CDK5RAP2: variants seen among roughly 807,000 people sequenced by gnomAD.
CDK5RAP2 encodes the protein CDK5 regulatory subunit-associated protein 2.
A neutral mutation model predicts 232.9 loss-of-function variants in CDK5RAP2; 147 were observed. The ratio of observed to expected loss-of-function variants is 0.63; its 90% CI spans 0.55 to 0.72. CDK5RAP2 has a LOEUF of 0.72. CDK5RAP2 is among the 30% of genes least tolerant of loss of function. CDK5RAP2 has a pLI of 0.00. For missense variants in CDK5RAP2, 2,195 were observed against 2,231.5 expected (o/e 0.98, Z 0.33); for synonymous variants, 833 against 833.7 (o/e 1.00, Z 0.01).
chr9:120,531,948 T>C (rs779930410), intron 7 of CDK5RAP2, among the ~76,000 whole-genome samples: 1 of 152,172 alleles, frequency 6.6e-6, no homozygotes, highest in Admixed American at 6.5e-5. Context: ...CACCGAACTA[T>C]ATACACTTAA....
At chr9:120,505,396 C>T (rs2039764753) in intron 12 of CDK5RAP2, among the ~76,000 whole-genome samples, 1 of 152,174 alleles carries the variant, frequency 6.6e-6, no homozygotes, top group Non-Finnish European at 1.5e-5. Flanking sequence ...CTGTCTCCTT[C>T]CCTCTCCTCA....
chr9:120,420,135 A>ATT (rs2034480081), intron 26 of CDK5RAP2, among the ~76,000 whole-genome samples, 175 bp from the exon 27 acceptor site: 1 of 152,224 alleles, frequency 6.6e-6, no homozygotes, highest in Non-Finnish European at 1.5e-5. Flanking sequence ...AAAGCAAGAA[A>ATT]GGCTCAGTGC....
chr9:120,454,101 A>G lies in CDK5RAP2; in HGVS notation c.2376-228T>C, dbSNP rs41273388. ...CCATGTCATTTCATGGATAAGAAGA[A>G]TAGAATTAATTTAACACAAGGTACA... is the stretch of plus-strand genomic sequence containing the variant. On this transcript the variant is annotated intron_variant, in intron 20 of 37. Coordinates refer to ENST00000349780, the MANE Select transcript of CDK5RAP2 (RefSeq NM_018249.6). 0.028 allele frequency among the ~76,000 whole-genome samples: 4,288 copies of G among 152,336 alleles called. 78 individuals are homozygous for G. Among genetic ancestry groups the G allele is most frequent in the East Asian group, 0.041 (212 of 5,180 alleles).
In CDK5RAP2 at chr9:120,470,111, C is replaced by T; in HGVS notation, c.1968G>A (p.Lys656=). ...GCACTAAAAATTAATAGGTCAATACCTTTTTCTTAAGTTCTTCTTGAGAAA... is the reference window on the plus strand; with the variant it reads ...GCACTAAAAATTAATAGGTCAATACTTTTTTCTTAAGTTCTTCTTGAGAAA... ...EHFSQEELKK[K]VSDLIQLVKE... Residue 656 remains lysine (K), a splice_region_variant and synonymous_variant, in exon 17 of 38, where the codon AAG becomes AAA. Transcript: ENST00000349780. 1 of 1,463,144 alleles carries T rather than the reference C, an allele frequency of 6.8e-7. No homozygotes were observed. Among genetic ancestry groups the T allele is most frequent in the Non-Finnish European group, 9.5e-7 (1 of 1,047,392 alleles). The allele number at this position is 1,463,144 out of a possible 1,614,324, so 90.6% of individuals were successfully genotyped here.
intron 25 of CDK5RAP2, among the ~76,000 whole-genome samples, chr9:120,427,334 G>A (rs181049729): frequency 3.3e-5 from 5 of 152,326 alleles, no homozygotes; most frequent in Admixed American, 6.5e-5. Context: ...ATGCCGTCCT[G>A]GGCTGCATGC....
At chr9:120,421,843 T>C (rs1368551936) in intron 26 of CDK5RAP2, among the ~76,000 whole-genome samples, 1 of 152,220 alleles carries the variant, frequency 6.6e-6, no homozygotes. Flanking sequence ...AGGACATGCA[T>C]TGGATGGAGT....
At chr9:120,471,606 G>T in intron 16 of CDK5RAP2, 142 bp downstream of exon 16, 1 of 1,187,076 alleles carries the variant, frequency 8.4e-7, no homozygotes, top group Non-Finnish European at 1.3e-6. Flanking sequence ...GCTAACATCA[G>T]CATGGTCACC....
intron 2 of CDK5RAP2, among the ~76,000 whole-genome samples, chr9:120,570,306 G>A (rs1564390472): frequency 6.6e-6 from 1 of 152,010 alleles, no homozygotes. Flanking sequence ...ACTTATTCAG[G>A]TCTCCGCTCC....
At position 120,563,511 on chromosome 9, in the gene CDK5RAP2, T is replaced by C. The variant is rs542921184; in HGVS notation, c.195+4810A>G. Reference sequence around the variant, plus strand: ...TAGAGCAGACAGACATCAGCATTCATTGAGTACCCTCTATGCACCAAGCAT... The same window carrying C: ...TAGAGCAGACAGACATCAGCATTCACTGAGTACCCTCTATGCACCAAGCAT... On this transcript the variant is annotated intron_variant, in intron 3 of 37. Transcript: ENST00000349780. Among the ~76,000 whole-genome samples, 17 of 152,322 alleles carry C rather than the reference T, an allele frequency of 1.1e-4. No individual in the cohort carries two copies. In the South Asian group the frequency reaches 2.7e-3, roughly 24 times the overall value.
chr9:120,541,591 T>C (rs2041635028), intron 5 of CDK5RAP2, among the ~76,000 whole-genome samples: 1 of 152,220 alleles, frequency 6.6e-6, no homozygotes, highest in African/African-American at 2.4e-5. Flanking sequence ...TGTCCCCTTA[T>C]TGTAACTGAT....
intron 5 of CDK5RAP2, among the ~76,000 whole-genome samples, chr9:120,540,597 A>G (rs2041590427): frequency 6.6e-6 from 1 of 152,246 alleles, no homozygotes; most frequent in Admixed American, 6.5e-5. Flanking sequence ...ATTCAATGTG[A>G]ACAACTGGAA....
rs548810114 is a variant in CDK5RAP2 at position 120,419,291 on chromosome 9, T to C, written c.4177+497A>G. Among the ~76,000 whole-genome samples the C allele has an allele frequency of 1.6e-3, 236 of 152,230 alleles. 1 individual carries two copies. Among genetic ancestry groups the C allele is most frequent in the African/African-American group, 5.1e-3 (213 of 41,532 alleles). ...TGGCGTTCTGTTACAACAATCCAAA[T>C]AGACTAAGACAAAAGGCCTGACCCA... is the stretch of plus-strand genomic sequence containing the variant. On this transcript the variant is annotated intron_variant, in intron 27 of 37. Coordinates refer to ENST00000349780, the MANE Select transcript of CDK5RAP2 (RefSeq NM_018249.6).
At chr9:120,439,311 T>A in intron 24 of CDK5RAP2, 88 bp downstream of exon 24, 1 of 1,089,720 alleles carries the variant, frequency 9.2e-7, no homozygotes, top group Non-Finnish European at 1.4e-6. Context: ...CACAGAGTAG[T>A]GTTCTCTTTT....
chr9:120,571,253 C>T (rs757071235), intron 2 of CDK5RAP2, among the ~76,000 whole-genome samples: 4 of 152,050 alleles, frequency 2.6e-5, no homozygotes, highest in Non-Finnish European at 5.9e-5. Flanking sequence ...AGAAATAAAC[C>T]GTGGGACTCT....
At position 120,493,786 on chromosome 9, in the gene CDK5RAP2, G is replaced by A. The variant is rs897173689; in HGVS notation, c.1312-2309C>T. On this transcript the variant is annotated intron_variant, in intron 12 of 37. Coordinates refer to ENST00000349780, the MANE Select transcript of CDK5RAP2 (RefSeq NM_018249.6). ...AACAAATTACATGGGGTAAAAAAAG[G>A]AGGGAGAACCTGCTTACTTATTAAA... 2.0e-5 allele frequency among the ~76,000 whole-genome samples: 3 copies of A among 152,274 alleles called. No individual in the cohort carries two copies. The South Asian group carries it at 6.2e-4, about 32-fold the overall frequency.
At position 120,580,000 on chromosome 9, in the gene CDK5RAP2, G is replaced by A. The variant is rs777679808; in HGVS notation, c.-22C>T. On this transcript the variant is annotated 5_prime_UTR_variant, in exon 1 of 38. The change creates a new upstream start codon in the 5' untranslated region. Coordinates refer to ENST00000349780, the MANE Select transcript of CDK5RAP2 (RefSeq NM_018249.6). The stretch of plus-strand genomic sequence containing the variant: ...TCATGGCTACAGAGGTGGCGACAGC[G>A]TTGGTGTCTGTGGCGGCGGCGCCAC... 2 of 1,548,602 alleles carry A rather than the reference G, an allele frequency of 1.3e-6. No homozygotes were observed. The highest frequency in any genetic ancestry group is 1.8e-6 in the Non-Finnish European group (2 of 1,121,996).
In CDK5RAP2 at chr9:120,579,906, T is replaced by C. The variant is rs1160359995; in HGVS notation, c.59+14A>G. On this transcript the variant is annotated intron_variant, in intron 1 of 37. Transcript: ENST00000349780. ...CCGGCCCGGTTACCACGACCACCAATGCCCCGGCCGCACCTGCAGCCGCTG... is the reference window on the plus strand; with the variant it reads ...CCGGCCCGGTTACCACGACCACCAACGCCCCGGCCGCACCTGCAGCCGCTG... 2 of 1,608,840 alleles carry C rather than the reference T, an allele frequency of 1.2e-6. No individual in the cohort carries two copies. Among genetic ancestry groups the C allele is most frequent in the Non-Finnish European group, 1.7e-6 (2 of 1,175,344 alleles).
intron 34 of CDK5RAP2, among the ~76,000 whole-genome samples, chr9:120,401,995 A>G (rs764275765): frequency 9.2e-5 from 14 of 151,964 alleles, no homozygotes; most frequent in Non-Finnish European, 1.6e-4. Context: ...AAAAAAAAAA[A>G]TTTTATATAT....
rs1410428531 is a variant in CDK5RAP2, at chr9:120,415,702, TATAA to T, written c.4178-547_4178-544del. On this transcript the variant is annotated intron_variant, in intron 27 of 37. Coordinates refer to ENST00000349780, the MANE Select transcript of CDK5RAP2 (RefSeq NM_018249.6). ...CAACAGAACATCTTATTAGCATGAG[TATAA>T]ATGTGTATGACCTTTTGGGGCTACT... Among the ~76,000 whole-genome samples the T allele has an allele frequency of 2.0e-5, 3 of 152,328 alleles. No homozygotes were observed. The East Asian group carries it at 5.8e-4, about 29-fold the overall frequency.
Sources: allele counts gnomAD v4.1 joint callset (sites outside exome capture counted in the v4.1 genomes callset), GRCh38; gene constraint gnomAD v4.1.1; transcripts MANE v1.5; gene names NCBI Gene and HGNC (gene_info 2026-07-23, HGNC 2026-07-21).